The following RABGAP1L variants were observed in gnomAD, a reference collection of about 807,000 sequenced individuals.
RABGAP1L encodes the protein RAB GTPase activating protein 1 like, also known as rab GTPase-activating protein 1-like.
A neutral mutation model predicts 137.7 loss-of-function variants in RABGAP1L; 63 were observed. The ratio of observed to expected loss-of-function variants is 0.46; its 90% CI spans 0.37 to 0.56. The LOEUF (loss-of-function observed/expected upper bound fraction) is 0.56, where lower values mean the gene tolerates loss of function less well. Among genes scored for constraint, RABGAP1L ranks in the 20% least tolerant of loss-of-function variants. The probability of loss-of-function intolerance (pLI) is 0.00; values close to 1 mark genes in which losing one functional copy is unlikely to be tolerated. For missense variants in RABGAP1L, 1,095 were observed against 1,244.0 expected (o/e 0.88, Z 1.80); for synonymous variants, 431 against 433.7 (o/e 0.99, Z 0.08).
At chr1:174,730,768 G>A (rs530029197) in intron 17 of RABGAP1L, among the ~76,000 whole-genome samples, 1 of 152,146 alleles carries the variant, frequency 6.6e-6, no homozygotes, top group African/African-American at 2.4e-5. Flanking sequence ...ATCCAGCTTA[G>A]TTACACAAGT....
At chr1:174,540,352 T>A (rs1665274780) in intron 13 of RABGAP1L, among the ~76,000 whole-genome samples, 1 of 152,174 alleles carries the variant, frequency 6.6e-6, no homozygotes, top group Non-Finnish European at 1.5e-5. Context: ...GGTGTTTTAG[T>A]CATGAAGTCC....
At chr1:174,432,718 A>G (rs1372967564) in intron 13 of RABGAP1L, among the ~76,000 whole-genome samples, 1 of 151,994 alleles carries the variant, frequency 6.6e-6, no homozygotes, top group Non-Finnish European at 1.5e-5. Flanking sequence ...TTGTATTTTC[A>G]GTAGGGACAG....
At chr1:174,496,184 T>G (rs1439587463) in intron 13 of RABGAP1L, among the ~76,000 whole-genome samples, 2 of 152,178 alleles carry the variant, frequency 1.3e-5, no homozygotes, top group Non-Finnish European at 2.9e-5. Context: ...TCCACTATAC[T>G]CTATGGTGTA....
intron 14 of RABGAP1L, among the ~76,000 whole-genome samples, chr1:174,669,034 A>C (rs1676987051): frequency 6.6e-6 from 1 of 152,120 alleles, no homozygotes; most frequent in South Asian, 2.1e-4. Flanking sequence ...GTTCGTTTTC[A>C]CACTGCTATA....
At chr1:174,405,714 A>C (rs1649180194) in intron 13 of RABGAP1L, among the ~76,000 whole-genome samples, 2 of 152,176 alleles carry the variant, frequency 1.3e-5, no homozygotes, top group Admixed American at 1.3e-4. Flanking sequence ...GCGGTGGCTC[A>C]CACCTATAAT....
chr1:174,865,216 C>T (rs904064745), intron 19 of RABGAP1L, among the ~76,000 whole-genome samples: 4 of 152,318 alleles, frequency 2.6e-5, no homozygotes, highest in African/African-American at 4.8e-5. Flanking sequence ...ATGGCACATG[C>T]CTGTAATCCC....
intron 10 of RABGAP1L, among the ~76,000 whole-genome samples, chr1:174,301,730 G>C (rs968886371): frequency 1.3e-5 from 2 of 152,150 alleles, no homozygotes; most frequent in African/African-American, 4.8e-5. Flanking sequence ...TATGGGCTCA[G>C]ATTGGGGAGT....
At chr1:174,810,854 T>C (rs757190808) in intron 18 of RABGAP1L, among the ~76,000 whole-genome samples, 1 of 151,926 alleles carries the variant, frequency 6.6e-6, no homozygotes, top group African/African-American at 2.4e-5. Flanking sequence ...TCCCAGCACT[T>C]TGGGAGGCTG....
chr1:174,299,002 G>A (rs1369375015), intron 10 of RABGAP1L, among the ~76,000 whole-genome samples: 1 of 152,212 alleles, frequency 6.6e-6, no homozygotes, highest in African/African-American at 2.4e-5. Flanking sequence ...AGAATTTAAT[G>A]GCAAATATAA....
intron 18 of RABGAP1L, among the ~76,000 whole-genome samples, chr1:174,784,088 C>T (rs1360390593): frequency 9.2e-5 from 12 of 130,206 alleles, no homozygotes; most frequent in East Asian, 7.2e-4. Flanking sequence ...GGTGCGATCT[C>T]GGCTCGCTAC....
intron 11 of RABGAP1L, among the ~76,000 whole-genome samples, chr1:174,341,030 T>G (rs1429902096): frequency 6.6e-6 from 1 of 152,224 alleles, no homozygotes; most frequent in Non-Finnish European, 1.5e-5. Flanking sequence ...GTTGATTTTT[T>G]TTTTCATGTT....
intron 1 of RABGAP1L, 108 bp from the exon 2 acceptor site, chr1:174,219,017 G>C: frequency 3.6e-6 from 3 of 841,982 alleles, no homozygotes; most frequent in Non-Finnish European, 5.4e-6. Flanking sequence ...TAGCCAGCAG[G>C]ATTCTTCTTC....
At chr1:174,540,449 C>A (rs1005799020) in intron 13 of RABGAP1L, among the ~76,000 whole-genome samples, 2 of 152,150 alleles carry the variant, frequency 1.3e-5, no homozygotes, top group Non-Finnish European at 2.9e-5. Flanking sequence ...AGTCTTTAAT[C>A]CATGTTGAAT....
At chr1:174,648,377 G>A (rs1675170329) in intron 14 of RABGAP1L, among the ~76,000 whole-genome samples, 1 of 152,100 alleles carries the variant, frequency 6.6e-6, no homozygotes, top group South Asian at 2.1e-4. Context: ...CGCTTTAACT[G>A]TGTCCCAGAG....
At chr1:174,537,411 C>A (rs1664977838) in intron 13 of RABGAP1L, among the ~76,000 whole-genome samples, 2 of 152,142 alleles carry the variant, frequency 1.3e-5, no homozygotes, top group African/African-American at 4.8e-5. Flanking sequence ...AAGCCTGTAA[C>A]CCTTATCCTA....
chr1:174,249,650 CTTT>C (rs758531270), intron 5 of RABGAP1L, among the ~76,000 whole-genome samples: 2 of 124,492 alleles, frequency 1.6e-5, no homozygotes, highest in African/African-American at 5.9e-5. Context: ...TTCTTTCTTT[CTTT>C]TTTTTTTTTG....
chr1:174,811,886 A>G lies in RABGAP1L; in HGVS notation c.2266A>G (p.Arg756Gly), dbSNP rs771600459. ...ADFEGALKFF[R>G]VQLPKRYRAE... is the part of the protein sequence containing the mutation. ...TTTTGAAGGTGCTTTAAAGTTCTTT[A>G]GAGTTCAGCTTCCAAAGAGATACAG... is the stretch of plus-strand genomic sequence containing the variant. Residue 756 changes from arginine to glycine, a missense_variant, in exon 19 of 26, where the codon AGA (arginine) becomes GGA (glycine). Physicochemically the swap from Arg to Gly is moderately radical, Grantham distance 125. Coordinates refer to ENST00000681986, the MANE Select transcript of RABGAP1L (RefSeq NM_001366446.1). 3.1e-6 allele frequency: 5 copies of G among 1,609,574 alleles called. No individual in the cohort carries two copies. The highest frequency in any genetic ancestry group is 1.7e-5 in the Admixed American group (1 of 59,708).
intron 17 of RABGAP1L, among the ~76,000 whole-genome samples, chr1:174,718,004 G>T (rs1337867560): frequency 6.6e-6 from 1 of 152,114 alleles, no homozygotes; most frequent in Admixed American, 6.6e-5. Flanking sequence ...GCTGCTTCCT[G>T]TCCCAGTTGC....
chr1:174,283,496 GT>G (rs200433618), intron 10 of RABGAP1L, among the ~76,000 whole-genome samples: 1 of 149,752 alleles, frequency 6.7e-6, no homozygotes, highest in Non-Finnish European at 1.5e-5. Flanking sequence ...AAGAGTTGCT[GT>G]TTTTTTTGTT....
Sources: allele counts gnomAD v4.1 joint callset (sites outside exome capture counted in the v4.1 genomes callset), GRCh38; gene constraint gnomAD v4.1.1; transcripts MANE v1.5; gene names NCBI Gene and HGNC (gene_info 2026-07-23, HGNC 2026-07-21).